The following TTC8 variants were observed in gnomAD, a reference collection of about 807,000 sequenced individuals.
The protein encoded by TTC8 is tetratricopeptide repeat protein 8.
A neutral mutation model predicts 72.5 loss-of-function variants in TTC8; 47 were observed. The ratio of observed to expected loss-of-function variants is 0.65; its 90% CI spans 0.51 to 0.83. The LOEUF (loss-of-function observed/expected upper bound fraction) is 0.83. Among genes scored for constraint, TTC8 ranks in the 40% least tolerant of loss-of-function variants. The probability of loss-of-function intolerance (pLI) is 0.00; values close to 1 mark genes in which losing one functional copy is unlikely to be tolerated. For missense variants in TTC8, 611 were observed against 623.2 expected, an observed-to-expected ratio of 0.98 and a Z score of 0.21; for synonymous variants, 199 against 221.4, an observed-to-expected ratio of 0.90 and a Z score of 0.90.
At chr14:88,826,817 G>T (rs1424881705) in intron 1 of TTC8, among the ~76,000 whole-genome samples, 1 of 152,132 alleles carries the variant, frequency 6.6e-6, no homozygotes, top group Non-Finnish European at 1.5e-5. Context: ...TTTTCATTCT[G>T]TGTTCCACGA....
downstream of TTC8, chr14:88,879,445 A>G (rs2094967152): frequency 1.3e-5 from 2 of 152,062 alleles, no homozygotes; most frequent in Non-Finnish European, 2.9e-5. Flanking sequence ...GATGAAAATG[A>G]GATCTGGCAA....
upstream of TTC8, chr14:88,824,311 A>C (rs1332912275): frequency 9.6e-6 from 2 of 207,972 alleles, no homozygotes; most frequent in Non-Finnish European, 2.0e-5. Context: ...GACAGACACC[A>C]GACAGAGATC....
At chr14:88,845,268 T>C (rs2094800918) in intron 7 of TTC8, among the ~76,000 whole-genome samples, 1 of 152,098 alleles carries the variant, frequency 6.6e-6, no homozygotes, top group East Asian at 1.9e-4. Context: ...AGGTCAAATT[T>C]GCCTCCTAGA....
rs113521941 is a variant in TTC8, at chr14:88,837,241, C to G, written c.145-2211C>G. Among the ~76,000 whole-genome samples, 216 of 152,198 alleles carry G rather than the reference C, an allele frequency of 1.4e-3. 3 individuals carry two copies. Among genetic ancestry groups the G allele is most frequent in the Non-Finnish European group, 2.7e-3 (182 of 67,998 alleles). On this transcript the variant is annotated intron_variant, in intron 2 of 14. Transcript: ENST00000380656. ...CCTCTTCCCTCATTCTTCACCTACA[C>G]TCAATTCTCCTAGAGTTTCCAAACA...
At chr14:88,831,483 C>T (rs1394214094) in intron 1 of TTC8, among the ~76,000 whole-genome samples, 1 of 152,210 alleles carries the variant, frequency 6.6e-6, no homozygotes, top group Non-Finnish European at 1.5e-5. Context: ...ACCACTGACT[C>T]ACCCTGGAAT....
At chr14:88,870,815 A>C (rs1230320006) in intron 11 of TTC8, among the ~76,000 whole-genome samples, 1 of 152,218 alleles carries the variant, frequency 6.6e-6, no homozygotes, top group Non-Finnish European at 1.5e-5. Context: ...GTTCTTTCCA[A>C]ATATGTGTTG....
intron 2 of TTC8, among the ~76,000 whole-genome samples, chr14:88,835,915 A>G (rs536146758): frequency 6.6e-6 from 1 of 152,152 alleles, no homozygotes; most frequent in Non-Finnish European, 1.5e-5. Flanking sequence ...AATTGTTCAC[A>G]TTGCCAGGAG....
chr14:88,870,621 C>A (rs985614277), intron 11 of TTC8, among the ~76,000 whole-genome samples: 3 of 152,192 alleles, frequency 2.0e-5, no homozygotes, highest in Admixed American at 1.3e-4. Context: ...ACAGAATCAC[C>A]TGTTTTGTGC....
chr14:88,830,675 A>G (rs1390871796), intron 1 of TTC8, among the ~76,000 whole-genome samples: 1 of 152,208 alleles, frequency 6.6e-6, no homozygotes, highest in African/African-American at 2.4e-5. Flanking sequence ...TTCTGACTCT[A>G]GGGCAAAGCC....
chr14:88,865,945 T>G (rs1037976408), intron 10 of TTC8, among the ~76,000 whole-genome samples: 9 of 152,098 alleles, frequency 5.9e-5, no homozygotes, highest in African/African-American at 2.2e-4. Flanking sequence ...GTGAGAAAGA[T>G]AGCCTATTAA....
At chr14:88,841,704 C>T in intron 6 of TTC8, 190 bp downstream of exon 6, 1 of 620,052 alleles carries the variant, frequency 1.6e-6, no homozygotes, top group Non-Finnish European at 2.8e-6. Flanking sequence ...AAATAAAGTA[C>T]ATATACCATT....
intron 7 of TTC8, among the ~76,000 whole-genome samples, chr14:88,849,234 G>A (rs1317584406): frequency 6.6e-6 from 1 of 152,082 alleles, no homozygotes; most frequent in Non-Finnish European, 1.5e-5. Flanking sequence ...TCTCACTCTG[G>A]TACAGTCTTG....
intron 14 of TTC8, among the ~76,000 whole-genome samples, chr14:88,875,321 A>T (rs1286880484): frequency 1.3e-5 from 2 of 152,174 alleles, no homozygotes; most frequent in African/African-American, 4.8e-5. Flanking sequence ...ACTAAACTCC[A>T]TTATAGATTA....
At chr14:88,827,033 T>C (rs1437071498) in intron 1 of TTC8, among the ~76,000 whole-genome samples, 1 of 152,190 alleles carries the variant, frequency 6.6e-6, no homozygotes, top group African/African-American at 2.4e-5. Flanking sequence ...TCCTTTTTTT[T>C]TTTGACCCAG....
At chr14:88,857,127 C>T in intron 8 of TTC8, 63 bp from the exon 9 acceptor site, 3 of 1,405,244 alleles carry the variant, frequency 2.1e-6, no homozygotes, top group Non-Finnish European at 3.0e-6. Context: ...TATTCATCCT[C>T]AGGGTATGAT....
At chr14:88,826,189 C>T (rs1171650891) in intron 1 of TTC8, among the ~76,000 whole-genome samples, 7 of 151,438 alleles carry the variant, frequency 4.6e-5, no homozygotes, top group East Asian at 2.0e-4. Flanking sequence ...GGGATTTCAC[C>T]GTGTTAGCCA....
At chr14:88,854,919 T>C (rs1185317249) in intron 8 of TTC8, among the ~76,000 whole-genome samples, 1 of 152,196 alleles carries the variant, frequency 6.6e-6, no homozygotes, top group African/African-American at 2.4e-5. Flanking sequence ...ACCCCTGGAC[T>C]CACACCATCC....
chr14:88,878,486 C>A (rs1376615829), downstream of TTC8: 8 of 152,078 alleles, frequency 5.3e-5, no homozygotes, highest in Non-Finnish European at 1.2e-4. Flanking sequence ...GCTGAGAGAA[C>A]AAAAAAATTG....
chr14:88,880,128 A>C (rs1169539798), downstream of TTC8: 2 of 152,214 alleles, frequency 1.3e-5, no homozygotes, highest in East Asian at 3.8e-4. Context: ...CCAGAAATCA[A>C]GTGTAGGAAA....
Sources: gnomAD v4.1 joint callset for allele counts (sites outside exome capture counted in the v4.1 genomes callset) on GRCh38, gnomAD v4.1.1 for gene constraint, MANE v1.5 for transcripts, NCBI Gene and HGNC (gene_info 2026-07-23, HGNC 2026-07-21) for gene names.